Variants in TXNDC11 observed in about 807,000 individuals in gnomAD.
TXNDC11 encodes the protein thioredoxin domain-containing protein 11.
Under a neutral mutation model 78.0 loss-of-function variants are expected in TXNDC11, and 68 were observed. That is an observed-to-expected ratio of 0.87 (90% CI 0.72 to 1.07). TXNDC11 has a LOEUF of 1.07. TXNDC11 is among the 50% of genes least tolerant of loss of function. TXNDC11 has a pLI of 0.00. For missense variants in TXNDC11, 1,389 were observed against 1,221.8 expected, an observed-to-expected ratio of 1.14 and a Z score of -2.04; for synonymous variants, 571 against 495.2, an observed-to-expected ratio of 1.15 and a Z score of -2.03.
Position 11,691,477 on chromosome 16 carries a change from GC to G in TXNDC11, c.1712del (p.Gly571AlafsTer2). ...EVDMTSTNFT[G>X]LSCRTNKTLN... is the part of the protein sequence containing the mutation. ...GAGTCTTGTTGGTTCTGCAGCTCAG[GC>G]CTGTGAAGTTTGTGCTAGTCATGTC... On this transcript the variant is annotated frameshift_variant, in exon 8 of 12. Transcript: ENST00000283033. LOFTEE classifies it high-confidence loss of function. The G allele has an allele frequency of 3.1e-6, 5 of 1,614,202 alleles. No homozygotes were observed. Among genetic ancestry groups the G allele is most frequent in the Non-Finnish European group, 4.2e-6 (5 of 1,180,026 alleles).
intron 4 of TXNDC11, among the ~76,000 whole-genome samples, chr16:11,724,723 G>A (rs891496823): frequency 2.6e-5 from 4 of 152,116 alleles, no homozygotes; most frequent in African/African-American, 9.7e-5. Context: ...TTCCACAACT[G>A]GAGTAACTGA....
chr16:11,734,874 C>G (rs751988222), intron 2 of TXNDC11, among the ~76,000 whole-genome samples: 1 of 152,168 alleles, frequency 6.6e-6, no homozygotes, highest in South Asian at 2.1e-4. Context: ...ATGCTTTTGG[C>G]TTGCTACAAT....
In TXNDC11 at chr16:11,679,970, G is replaced by A; in HGVS notation, c.2235-133C>T. 6.2e-6 allele frequency: 5 copies of A among 808,088 alleles called. No individual in the cohort carries two copies. Among genetic ancestry groups the A allele is most frequent in the Non-Finnish European group, 9.7e-6 (5 of 516,548 alleles). The allele number at this position is 808,088 out of a possible 1,614,324, so 50.1% of individuals were successfully genotyped here. On this transcript the variant is annotated intron_variant, in intron 11 of 11. Coordinates refer to ENST00000283033, the MANE Select transcript of TXNDC11 (RefSeq NM_015914.7). This position sits in a 1 kb window ranked among gnomAD's most constrained non-coding sequence, Gnocchi z 4.6. ...GTTCCGTGGATTTTACTTACTGAAA[G>A]TAAGGAAAATGTTGCCTGGGCAAGA...
intron 5 of TXNDC11, among the ~76,000 whole-genome samples, chr16:11,709,789 C>T (rs1001612699): frequency 1.3e-5 from 2 of 152,062 alleles, no homozygotes. Context: ...AATGTAGTTC[C>T]AAGTACATGA....
chr16:11,721,224 A>T (rs1424970151), intron 5 of TXNDC11: 1 of 180,358 alleles, frequency 5.5e-6, no homozygotes, highest in Non-Finnish European at 1.2e-5. Context: ...GGATCACCTG[A>T]CGTCAGGAGT....
At chr16:11,738,048 G>A (rs991146515) in intron 1 of TXNDC11, among the ~76,000 whole-genome samples, 1 of 152,066 alleles carries the variant, frequency 6.6e-6, no homozygotes, top group Non-Finnish European at 1.5e-5. Flanking sequence ...GACTCATGAG[G>A]TAAAATGATA....
In TXNDC11 at chr16:11,721,632, G is replaced by C. The variant is rs772302515; in HGVS notation, c.738C>G (p.Pro246=). 6.2e-7 allele frequency: 1 copy of C among 1,612,584 alleles called. No homozygotes were observed. Among genetic ancestry groups the C allele is most frequent in the Non-Finnish European group, 8.5e-7 (1 of 1,179,104 alleles). ...VLGYFEFSGS[P]QPPGYLTFFT... The stretch of plus-strand genomic sequence containing the variant: ...AGAAGGTCAAATAACCAGGAGGCTG[G>C]GGTGAGCCACTGAACTCAAAGTACC... Residue 246 remains proline (P), a synonymous_variant, in exon 5 of 12, where the codon CCC becomes CCG. Coordinates refer to ENST00000283033, the MANE Select transcript of TXNDC11 (RefSeq NM_015914.7).
chr16:11,702,451 T>C (rs1199848987), intron 5 of TXNDC11, among the ~76,000 whole-genome samples: 5 of 152,180 alleles, frequency 3.3e-5, no homozygotes, highest in Non-Finnish European at 5.9e-5. Context: ...GTGGATTGCC[T>C]GAGCTCAGAA....
At position 11,721,643 on chromosome 16, in the gene TXNDC11, T is replaced by C; in HGVS notation, c.727A>G (p.Ser243Gly). ...TAACCAGGAGGCTGGGGTGAGCCAC[T>C]GAACTCAAAGTACCCGAGTACTCCA... ...EPGVLGYFEF[S>G]GSPQPPGYLT... Residue 243 changes from serine to glycine, a missense_variant, in exon 5 of 12, where the codon AGT becomes GGT. Ser to Gly is a moderately conservative substitution (Grantham distance 56). Coordinates refer to ENST00000283033, the MANE Select transcript of TXNDC11 (RefSeq NM_015914.7). The C allele has an allele frequency of 6.2e-7, 1 of 1,612,324 alleles. No individual in the cohort carries two copies. Among genetic ancestry groups the C allele is most frequent in the Non-Finnish European group, 8.5e-7 (1 of 1,178,810 alleles).
At chr16:11,713,987 T>C (rs957427504) in intron 5 of TXNDC11, among the ~76,000 whole-genome samples, 7 of 152,086 alleles carry the variant, frequency 4.6e-5, no homozygotes, top group African/African-American at 1.7e-4. Context: ...TGTCAGTCCC[T>C]TGTTTTTTCA....
At chr16:11,682,479 C>G (rs1348466439) in intron 11 of TXNDC11, among the ~76,000 whole-genome samples, 1 of 152,238 alleles carries the variant, frequency 6.6e-6, no homozygotes, top group Non-Finnish European at 1.5e-5. Context: ...GAAGGTCACT[C>G]AGCCCAGACG....
Position 11,721,686 on chromosome 16 carries a change from C to T in TXNDC11, c.700-16G>A. 1 of 1,541,418 alleles carries T rather than the reference C, an allele frequency of 6.5e-7. No individual in the cohort carries two copies. The highest frequency in any genetic ancestry group is 9.0e-7 in the Non-Finnish European group (1 of 1,116,568). On this transcript the variant is annotated splice_polypyrimidine_tract_variant and intron_variant, in intron 4 of 11. Transcript: ENST00000283033. ...GTACTCCAGGCTGCAGGAAAAAGAG[C>T]AGAATTAGGTAACTGAGGCACTGTC...
chr16:11,741,833 G>C (rs2052404230), intron 1 of TXNDC11: 1 of 152,200 alleles, frequency 6.6e-6, no homozygotes, highest in Admixed American at 6.5e-5. Flanking sequence ...AGGAGTTCGA[G>C]ACCAGCCTGG....
intron 7 of TXNDC11, among the ~76,000 whole-genome samples, chr16:11,693,494 A>G (rs760753260): frequency 8.5e-5 from 13 of 152,138 alleles, no homozygotes; most frequent in Non-Finnish European, 1.5e-4. Flanking sequence ...TGCATGTGTA[A>G]AACAATTCAA....
At chr16:11,723,906 C>A (rs926662009) in intron 4 of TXNDC11, among the ~76,000 whole-genome samples, 1 of 152,088 alleles carries the variant, frequency 6.6e-6, no homozygotes, top group Non-Finnish European at 1.5e-5. Flanking sequence ...TGGAAAGATT[C>A]TTAAAATATT....
intron 1 of TXNDC11, among the ~76,000 whole-genome samples, chr16:11,741,545 T>C (rs2141135599): frequency 6.6e-6 from 1 of 152,336 alleles, no homozygotes; most frequent in South Asian, 2.1e-4. Context: ...TTCCCAGCGC[T>C]GGTCCCTTCT....
At chr16:11,705,553 A>G (rs988172834) in intron 5 of TXNDC11, among the ~76,000 whole-genome samples, 16 of 152,220 alleles carry the variant, frequency 1.1e-4, no homozygotes, top group African/African-American at 3.9e-4. Flanking sequence ...CAAAGTCACC[A>G]TCGTGATTTA....
At chr16:11,714,001 C>T (rs2051445943) in intron 5 of TXNDC11, among the ~76,000 whole-genome samples, 1 of 152,024 alleles carries the variant, frequency 6.6e-6, no homozygotes, top group African/African-American at 2.4e-5. Context: ...TTTTTCAATG[C>T]CTTTTAAAAT....
At position 11,679,219 on chromosome 16, in the gene TXNDC11, C is replaced by T. The variant is rs1309929064; in HGVS notation, c.2853G>A (p.Arg951=). Residue 951 remains arginine (R), a synonymous_variant, in exon 12 of 12, where the codon AGG becomes AGA. Coordinates refer to ENST00000283033, the MANE Select transcript of TXNDC11 (RefSeq NM_015914.7). The surrounding 1 kb of genome is among the most constrained non-coding windows in gnomAD (Gnocchi z 4.6). Reference sequence around the variant, plus strand: ...GTTAGTCTGTCCTGTTCTCCTTATTCCTTTCAGACACCAGTGTGGCGCTGA... The same window carrying T: ...GTTAGTCTGTCCTGTTCTCCTTATTTCTTTCAGACACCAGTGTGGCGCTGA... ...ANVSATLVSE[R]NKENRTD The T allele has an allele frequency of 2.5e-6, 4 of 1,613,760 alleles. No homozygotes were observed. In the East Asian group the frequency reaches 6.7e-5, roughly 27 times the overall value.
Sources: gnomAD v4.1 joint callset for allele counts (sites outside exome capture counted in the v4.1 genomes callset) on GRCh38, gnomAD v4.1.1 for gene constraint, Gnocchi (gnomAD v3.1) non-coding constraint, MANE v1.5 for transcripts, NCBI Gene and HGNC (gene_info 2026-07-23, HGNC 2026-07-21) for gene names.